RPS6KA2: variants seen among roughly 807,000 people sequenced by gnomAD.
RPS6KA2 encodes ribosomal protein S6 kinase A2.
In RPS6KA2, 42 loss-of-function variants were observed where a neutral mutation model predicts 91.8. That is an observed-to-expected ratio of 0.46 (90% CI 0.36 to 0.59). The LOEUF is 0.59. Among genes scored for constraint, RPS6KA2 ranks in the 20% least tolerant of loss-of-function variants. RPS6KA2 has a pLI of 0.00. For missense variants in RPS6KA2, 798 were observed against 978.5 expected, an observed-to-expected ratio of 0.82 and a Z score of 2.46; for synonymous variants, 414 against 393.6, an observed-to-expected ratio of 1.05 and a Z score of -0.61.
intron 2 of RPS6KA2, among the ~76,000 whole-genome samples, chr6:166,771,940 G>A (rs77302386): frequency 0.032 from 4,904 of 152,228 alleles, 272 homozygotes; most frequent in African/African-American, 0.11. Context: ...GCCCATTCTC[G>A]CCTCAGCCTA....
intron 2 of RPS6KA2, among the ~76,000 whole-genome samples, chr6:166,802,380 GA>G (rs1298489734): frequency 1.3e-5 from 2 of 151,742 alleles, no homozygotes; most frequent in East Asian, 1.9e-4. Context: ...TTCATTCAAG[GA>G]AAAAAACTCT....
At chr6:166,561,386 C>T (rs1284334426) in intron 1 of RPS6KA2, among the ~76,000 whole-genome samples, 1 of 152,032 alleles carries the variant, frequency 6.6e-6, no homozygotes, top group Non-Finnish European at 1.5e-5. Flanking sequence ...CAGCTTGTCC[C>T]CCTTCCCAGG....
intron 2 of RPS6KA2, among the ~76,000 whole-genome samples, chr6:166,773,136 C>T (rs1474966661): frequency 6.6e-6 from 1 of 152,192 alleles, no homozygotes; most frequent in Non-Finnish European, 1.5e-5. Flanking sequence ...ATCCCAGCTC[C>T]TCTACTACTC....
chr6:166,496,820 G>A (rs1781802377), intron 8 of RPS6KA2, among the ~76,000 whole-genome samples: 2 of 152,176 alleles, frequency 1.3e-5, no homozygotes, highest in African/African-American at 4.8e-5. Flanking sequence ...TTCTCAGGAG[G>A]GGGTTTAAGA....
chr6:166,824,807 A>C (rs56049100), intron 2 of RPS6KA2, among the ~76,000 whole-genome samples: 3,313 of 133,616 alleles, frequency 0.025, 56 homozygotes, highest in Non-Finnish European at 0.033. Context: ...CTGTGTGTCT[A>C]TGTGTGTCTG....
At chr6:166,432,716 C>G (rs373457306) in intron 14 of RPS6KA2, among the ~76,000 whole-genome samples, 13 of 152,216 alleles carry the variant, frequency 8.5e-5, no homozygotes, top group African/African-American at 2.9e-4. Flanking sequence ...ACAGGCTGGG[C>G]AAGGTGGCTC....
intron 7 of RPS6KA2, among the ~76,000 whole-genome samples, chr6:166,499,179 G>C (rs1781921898): frequency 6.6e-6 from 1 of 152,222 alleles, no homozygotes; most frequent in East Asian, 1.9e-4. Flanking sequence ...TATGATGGAA[G>C]AACAGGGATC....
intron 2 of RPS6KA2, among the ~76,000 whole-genome samples, chr6:166,640,238 T>C (rs1329488467): frequency 6.6e-6 from 1 of 151,818 alleles, no homozygotes; most frequent in African/African-American, 2.4e-5. Flanking sequence ...AAACCCATCA[T>C]AGAAAAATTT....
chr6:166,552,239 C>A (rs1033530465), intron 1 of RPS6KA2, among the ~76,000 whole-genome samples: 1 of 152,236 alleles, frequency 6.6e-6, no homozygotes, highest in African/African-American at 2.4e-5. Context: ...TGTACTAATG[C>A]CTGCTTATCC....
intron 1 of RPS6KA2, among the ~76,000 whole-genome samples, chr6:166,591,826 G>A (rs1785364370): frequency 6.6e-6 from 1 of 152,138 alleles, no homozygotes; most frequent in South Asian, 2.1e-4. Flanking sequence ...TCTCATCAGT[G>A]TACCCACCAT....
intron 16 of RPS6KA2, among the ~76,000 whole-genome samples, chr6:166,430,189 C>T (rs989572075): frequency 1.5e-4 from 23 of 151,730 alleles, no homozygotes; most frequent in African/African-American, 4.6e-4. Context: ...AGGCTGGTCG[C>T]GAACTCCTGA....
chr6:166,728,740 C>T (rs903621984), intron 2 of RPS6KA2, among the ~76,000 whole-genome samples: 6 of 152,106 alleles, frequency 3.9e-5, no homozygotes, highest in East Asian at 1.9e-4. Context: ...GGTATGGTCT[C>T]GACGCATACA....
intron 11 of RPS6KA2, among the ~76,000 whole-genome samples, chr6:166,469,383 T>C (rs1780669974): frequency 6.8e-6 from 1 of 147,354 alleles, no homozygotes; most frequent in African/African-American, 2.5e-5. Flanking sequence ...TGACTAACGA[T>C]GGAAAATGCA....
chr6:166,795,715 G>A (rs1779206508), intron 2 of RPS6KA2, among the ~76,000 whole-genome samples: 1 of 152,244 alleles, frequency 6.6e-6, no homozygotes, highest in Admixed American at 6.5e-5. Flanking sequence ...GCTCCAGGCT[G>A]TGGGCTGCTG....
chr6:166,857,852 C>T (rs1780947164), intron 2 of RPS6KA2, among the ~76,000 whole-genome samples: 1 of 152,226 alleles, frequency 6.6e-6, no homozygotes, highest in African/African-American at 2.4e-5. Flanking sequence ...GGGAGCCCCA[C>T]ACCAGGCTTC....
rs71639661 is a variant in RPS6KA2, at chr6:166,767,774, AACACACACACACACACACACACACAC to A, written c.123+90400_123+90425del. Among the ~76,000 whole-genome samples the A allele has an allele frequency of 6.8e-6, 1 of 146,854 alleles. No homozygotes were observed. The highest frequency in any genetic ancestry group is 1.5e-5 in the Non-Finnish European group (1 of 66,418). ...AAGAACTAAAGACAATACCTCCTCAAACACACACACACACACACACACACACACACACACACACACACCCTGGTGTC... is the reference window on the plus strand; with the variant it reads ...AAGAACTAAAGACAATACCTCCTCAAACACACACACACACACCCTGGTGTC... On this transcript the variant is annotated intron_variant, in intron 2 of 21. Transcript: ENST00000503859. The surrounding 1 kb of genome is among the most constrained non-coding windows in gnomAD (Gnocchi z 4.6).
At chr6:166,754,392 G>T (rs1057388641) in intron 2 of RPS6KA2, among the ~76,000 whole-genome samples, 1 of 152,200 alleles carries the variant, frequency 6.6e-6, no homozygotes, top group Admixed American at 6.5e-5. Context: ...GTGCAGGAAC[G>T]TGTGGGCAGG....
At chr6:166,744,632 C>T (rs1009529575) in intron 2 of RPS6KA2, among the ~76,000 whole-genome samples, 42 of 152,322 alleles carry the variant, frequency 2.8e-4, no homozygotes, top group African/African-American at 8.9e-4. Context: ...CAGACACCCC[C>T]GAGGGTCCTC....
intron 2 of RPS6KA2, among the ~76,000 whole-genome samples, chr6:166,771,539 C>T (rs1016067278): frequency 3.3e-5 from 5 of 152,204 alleles, no homozygotes; most frequent in Admixed American, 2.0e-4. Context: ...GCAGAGACAA[C>T]GGCTACCCTT....
Sources: gnomAD v4.1 joint callset for allele counts (sites outside exome capture counted in the v4.1 genomes callset) on GRCh38, gnomAD v4.1.1 for gene constraint, Gnocchi (gnomAD v3.1) non-coding constraint, MANE v1.5 for transcripts, NCBI Gene and HGNC (gene_info 2026-07-23, HGNC 2026-07-21) for gene names.